PADI6: variants seen among roughly 807,000 people sequenced by gnomAD.
PADI6 encodes the protein inactive protein-arginine deiminase type-6.
A neutral mutation model predicts 78.2 loss-of-function variants in PADI6; 66 were observed. The observed-to-expected ratio is 0.84, with a 90% CI of 0.69 to 1.04. The LOEUF is 1.04. Among genes scored for constraint, PADI6 ranks in the 50% least tolerant of loss-of-function variants. The probability of loss-of-function intolerance (pLI) is 0.00; values close to 1 mark genes in which losing one functional copy is unlikely to be tolerated. For synonymous variants in PADI6, 397 were observed against 346.9 expected, an observed-to-expected ratio of 1.14 and a Z score of -1.60; for missense variants, 854 against 866.1, an observed-to-expected ratio of 0.99 and a Z score of 0.18.
At chr1:17,386,181 C>T (rs1242849785) in intron 6 of PADI6, among the ~76,000 whole-genome samples, 2 of 152,178 alleles carry the variant, frequency 1.3e-5, no homozygotes, top group Non-Finnish European at 2.9e-5. Context: ...TGGCCTCCCC[C>T]ATGCTTCTGT....
intron 6 of PADI6, among the ~76,000 whole-genome samples, chr1:17,382,589 C>T (rs1285303419): frequency 6.6e-6 from 1 of 152,214 alleles, no homozygotes; most frequent in Non-Finnish European, 1.5e-5. Context: ...GCCCTCCTCT[C>T]CTGGGAGGCA....
At chr1:17,382,229 T>C (rs746269583) in intron 6 of PADI6, 137 bp downstream of exon 6, 5 of 1,151,988 alleles carry the variant, frequency 4.3e-6, no homozygotes, top group Non-Finnish European at 6.1e-6. Context: ...CTGTTGTGGC[T>C]GTACTTGTGT....
chr1:17,383,281 C>G (rs930327096), intron 6 of PADI6, among the ~76,000 whole-genome samples: 1 of 152,188 alleles, frequency 6.6e-6, no homozygotes, highest in African/African-American at 2.4e-5. Context: ...GACCATAGAT[C>G]TCAGCTGGAT....
At chr1:17,395,763 A>AG in intron 13 of PADI6, 100 bp downstream of exon 13, 2 of 1,425,136 alleles carry the variant, frequency 1.4e-6, no homozygotes, top group Non-Finnish European at 1.9e-6. Flanking sequence ...AAAGGATGCC[A>AG]GGGAAGCACA....
At chr1:17,376,673 C>T (rs974100861) in intron 3 of PADI6, among the ~76,000 whole-genome samples, 7 of 151,964 alleles carry the variant, frequency 4.6e-5, no homozygotes, top group Non-Finnish European at 7.4e-5. Flanking sequence ...GTTGGGATTA[C>T]AGGCGTGAGC....
At chr1:17,372,946 C>A in intron 1 of PADI6, 110 bp from the exon 2 acceptor site, 1 of 1,157,708 alleles carries the variant, frequency 8.6e-7, no homozygotes, top group Non-Finnish European at 1.2e-6. Context: ...TCTGCCTCAA[C>A]ACCCTAAGGA....
intron 3 of PADI6, among the ~76,000 whole-genome samples, chr1:17,379,286 T>G (rs1157541344): frequency 6.7e-6 from 1 of 149,026 alleles, no homozygotes; most frequent in Admixed American, 6.6e-5. Context: ...GCTAATTTTT[T>G]TGTATTTTTA....
chr1:17,401,178 G>A (rs748650699), intron 15 of PADI6, 27 bp from the exon 16 acceptor site: 1 of 1,609,094 alleles, frequency 6.2e-7, no homozygotes, highest in African/African-American at 1.3e-5. Flanking sequence ...CCCTGTCCAG[G>A]CCTCACCCAC....
In PADI6 at chr1:17,387,462, G is replaced by C. The variant is rs571411193; in HGVS notation, c.680-919G>C. Among the ~76,000 whole-genome samples, 722 of 150,656 alleles carry C rather than the reference G, an allele frequency of 4.8e-3. 10 individuals carry two copies. The highest frequency in any genetic ancestry group is 0.016 in the African/African-American group (639 of 40,466). On this transcript the variant is annotated intron_variant, in intron 6 of 15. Transcript: ENST00000619609. ...TCCACCTCAAAAAAGAAAAGGAGGG[G>C]GGGGGGCCAGGCGTGGTAGCTCACA...
At chr1:17,376,710 TAA>T (rs1480303409) in intron 3 of PADI6, among the ~76,000 whole-genome samples, 1 of 152,018 alleles carries the variant, frequency 6.6e-6, no homozygotes, top group Non-Finnish European at 1.5e-5. Flanking sequence ...GGTTGTCTTT[TAA>T]AGTCTATTCT....
chr1:17,373,022 T>G, intron 1 of PADI6, 34 bp from the exon 2 acceptor site: 5 of 1,602,928 alleles, frequency 3.1e-6, no homozygotes, highest in Non-Finnish European at 4.3e-6. Flanking sequence ...AAGGTGTTTG[T>G]GCCCTGACGC....
chr1:17,382,384 C>A (rs532044922), intron 6 of PADI6, among the ~76,000 whole-genome samples: 1 of 152,198 alleles, frequency 6.6e-6, no homozygotes, highest in South Asian at 2.1e-4. Flanking sequence ...AGAGACATAT[C>A]CACTGAAACA....
chr1:17,379,151 C>T (rs1243030239), intron 3 of PADI6, among the ~76,000 whole-genome samples: 6 of 123,576 alleles, frequency 4.9e-5, no homozygotes, highest in African/African-American at 8.3e-5. Flanking sequence ...GTCTCGCTGT[C>T]GCCCAGGCTG....
intron 15 of PADI6, among the ~76,000 whole-genome samples, chr1:17,399,883 A>T (rs1410121133): frequency 6.6e-6 from 1 of 151,890 alleles, no homozygotes; most frequent in Non-Finnish European, 1.5e-5. Context: ...AAGAATACAA[A>T]AAACTAGCTG....
rs1316443891 is a variant in PADI6, at chr1:17,397,336, T to G, written c.1689+195T>G. Among the ~76,000 whole-genome samples, 3 of 152,096 alleles carry G rather than the reference T, an allele frequency of 2.0e-5. No homozygotes were observed. The East Asian group carries it at 5.8e-4, about 29-fold the overall frequency. Reference sequence around the variant, plus strand: ...TGGCCATATGCCAATGTAGGGAGACTAGAGGAGTAAGGAGTTAGGTCTCTG... The same window carrying G: ...TGGCCATATGCCAATGTAGGGAGACGAGAGGAGTAAGGAGTTAGGTCTCTG... On this transcript the variant is annotated intron_variant, in intron 14 of 15. Transcript: ENST00000619609.
intron 12 of PADI6, 103 bp downstream of exon 12, chr1:17,395,210 TTTTTG>T: frequency 1.5e-6 from 2 of 1,363,536 alleles, no homozygotes; most frequent in Non-Finnish European, 1.9e-6. Context: ...TTTTTTTTTT[TTTTTG>T]TTTGTTTTTT....
Position 17,394,978 on chromosome 1 carries a change from C to G in PADI6, c.1365C>G (p.Thr455=). The G allele has an allele frequency of 6.2e-7, 1 of 1,613,002 alleles. No individual in the cohort carries two copies. The highest frequency in any genetic ancestry group is 8.5e-7 in the Non-Finnish European group (1 of 1,179,848). ...PSAEGRAMSK[T]LRDFLYAQQV... ...CAGAGGGCCGGGCCATGAGTAAGAC[C>G]CTCCGAGACTTCCTCTATGCCCAGC... The change falls in exon 12 of 16, where the codon ACC becomes ACG. Residue 455 remains threonine, a synonymous_variant. Coordinates refer to ENST00000619609, the MANE Select transcript of PADI6 (RefSeq NM_207421.4).
chr1:17,388,643 G>A lies in PADI6; in HGVS notation c.858+84G>A, dbSNP rs74058817. 1.8e-4 allele frequency: 268 copies of A among 1,467,924 alleles called. No homozygotes were observed. The African/African-American group carries it at 3.1e-3, about 17-fold the overall frequency. 90.9% of individuals were successfully genotyped at this position (1,467,924 alleles called of 1,614,324 possible). ...TCTCCCACAGTTGGGCAGAGCTTGAGGTTTGCTGGGGGAGAGCTGCAGAAG... is the reference window on the plus strand; with the variant it reads ...TCTCCCACAGTTGGGCAGAGCTTGAAGTTTGCTGGGGGAGAGCTGCAGAAG... On this transcript the variant is annotated intron_variant, in intron 7 of 15. Transcript: ENST00000619609.
At position 17,394,344 on chromosome 1, in the gene PADI6, A is replaced by C; in HGVS notation, c.1227A>C (p.Lys409Asn). 1 of 1,613,864 alleles carries C rather than the reference A, an allele frequency of 6.2e-7. No homozygotes were observed. The highest frequency in any genetic ancestry group is 2.2e-5 in the East Asian group (1 of 44,884). Residue 409 changes from lysine (K) to asparagine (N), a missense_variant, in exon 11 of 16, where the codon AAA becomes AAC. Transcript: ENST00000619609. ...GYMIQDTEDHKVASMDSIGNL... is the reference protein window; with the variant it reads ...GYMIQDTEDHNVASMDSIGNL... Reference sequence around the variant, plus strand: ...TGATCCAGGACACTGAGGACCATAAAGTGGCCAGCATGGATTCCATTGGGA... The same window carrying C: ...TGATCCAGGACACTGAGGACCATAACGTGGCCAGCATGGATTCCATTGGGA...
Sources: allele counts gnomAD v4.1 joint callset (sites outside exome capture counted in the v4.1 genomes callset), GRCh38; gene constraint gnomAD v4.1.1; transcripts MANE v1.5; gene names NCBI Gene and HGNC (gene_info 2026-07-23, HGNC 2026-07-21).